The following FAM177A1 variants were observed in gnomAD, a reference collection of about 807,000 sequenced individuals.
FAM177A1 encodes the protein family with sequence similarity 177 member A1.
A neutral mutation model predicts 26.1 loss-of-function variants in FAM177A1; 22 were observed. That is an observed-to-expected ratio of 0.84 (90% CI 0.60 to 1.20). FAM177A1 has a LOEUF of 1.20. Ranked by LOEUF, FAM177A1 falls within the 50% of genes most tolerant of loss-of-function variation. FAM177A1 has a pLI of 0.00. For synonymous variants in FAM177A1, 95 were observed against 99.3 expected (o/e 0.96, Z 0.26); for missense variants, 296 against 291.1 (o/e 1.02, Z -0.12).
chr14:35,081,261 GTTT>G lies in FAM177A1; in HGVS notation c.*43_*45del. Reference sequence around the variant, plus strand: ...TGACTATCAAGCTTCAAACTCTTAAGTTTTTTTTTTTTAATACAAAAACTTTCA... The same window carrying G: ...TGACTATCAAGCTTCAAACTCTTAAGTTTTTTTTTAATACAAAAACTTTCA... On this transcript the variant is annotated 3_prime_UTR_variant, in exon 5 of 5. Transcript: ENST00000280987. The G allele has an allele frequency of 1.6e-6, 2 of 1,251,526 alleles. No individual in the cohort carries two copies. Among genetic ancestry groups the G allele is most frequent in the Non-Finnish European group, 1.1e-6 (1 of 939,866 alleles). The allele number at this position is 1,251,526 out of a possible 1,614,324, so 77.5% of individuals were successfully genotyped here.
Position 35,053,463 on chromosome 14 carries a change from A to G in FAM177A1, c.339+12A>G, listed in dbSNP as rs780976531. 2 of 1,612,858 alleles carry G rather than the reference A, an allele frequency of 1.2e-6. No homozygotes were observed. Among genetic ancestry groups the G allele is most frequent in the African/African-American group, 1.3e-5 (1 of 74,960 alleles). ...CTACTGTTGATCCGGTAGGTTTGATATTGATGATTCTTTCCTCAGTGGGCT... is the reference window on the plus strand; with the variant it reads ...CTACTGTTGATCCGGTAGGTTTGATGTTGATGATTCTTTCCTCAGTGGGCT... On this transcript the variant is annotated intron_variant, in intron 2 of 4. Coordinates refer to ENST00000280987, the MANE Select transcript of FAM177A1 (RefSeq NM_173607.5).
At chr14:35,069,261 G>A (rs2045282470) in intron 2 of FAM177A1, among the ~76,000 whole-genome samples, 1 of 150,454 alleles carries the variant, frequency 6.6e-6, no homozygotes, top group African/African-American at 2.4e-5. Context: ...CAATACAACA[G>A]CCAATGCTTA....
intron 2 of FAM177A1, among the ~76,000 whole-genome samples, chr14:35,070,987 C>G (rs2045312402): frequency 6.6e-6 from 1 of 150,786 alleles, no homozygotes; most frequent in Admixed American, 6.6e-5. Context: ...CCTCCATTTT[C>G]TTTCTTTCTT....
At chr14:35,063,464 G>A (rs2045190642) in intron 2 of FAM177A1, among the ~76,000 whole-genome samples, 1 of 151,786 alleles carries the variant, frequency 6.6e-6, no homozygotes, top group Non-Finnish European at 1.5e-5. Flanking sequence ...TGTAATCCCA[G>A]CCGCTTGGGA....
At chr14:35,050,944 T>C (rs1336245095) in intron 1 of FAM177A1, 1 of 152,156 alleles carries the variant, frequency 6.6e-6, no homozygotes, top group African/African-American at 2.4e-5. Flanking sequence ...AGAAGAAAAG[T>C]GTCCTGGGTT....
rs1167116513 is a variant in FAM177A1, at chr14:35,083,100, CTCACTCACAGATATTTATTTGGTTA to C, written c.*1876_*1900del. The stretch of plus-strand genomic sequence containing the variant: ...TTTAACTTCATTCGAGATAGTACCT[CTCACTCACAGATATTTATTTGGTTA>C]TCAAGTGAAGATAGGTGTGTCTAAA... On this transcript the variant is annotated 3_prime_UTR_variant, in exon 5 of 5. Transcript: ENST00000280987. 1 of 152,596 alleles carries C rather than the reference CTCACTCACAGATATTTATTTGGTTA, an allele frequency of 6.6e-6. No individual in the cohort carries two copies. Among genetic ancestry groups the C allele is most frequent in the Non-Finnish European group, 1.5e-5 (1 of 68,036 alleles). 9.5% of individuals were successfully genotyped at this position (152,596 alleles called of 1,614,324 possible). A position where few individuals can be genotyped will look rare whatever the true frequency, so the allele number is the denominator to read the frequency against.
chr14:35,053,231 A>G (rs1244275760), intron 1 of FAM177A1, 47 bp from the exon 2 acceptor site: 1 of 1,538,826 alleles, frequency 6.5e-7, no homozygotes. Flanking sequence ...AATGAAAGAA[A>G]ATTAATCTCA....
chr14:35,052,871 G>A (rs868612408), intron 1 of FAM177A1, among the ~76,000 whole-genome samples: 3 of 152,128 alleles, frequency 2.0e-5, no homozygotes, highest in Non-Finnish European at 4.4e-5. Context: ...GCAGTGAGCC[G>A]TGATTGCACT....
chr14:35,077,566 T>C (rs919123899), intron 3 of FAM177A1, among the ~76,000 whole-genome samples: 2 of 140,248 alleles, frequency 1.4e-5, no homozygotes, highest in Non-Finnish European at 3.0e-5. Context: ...CACTGCAAGC[T>C]CCGCTTCCCG....
At chr14:35,051,898 A>T in intron 1 of FAM177A1, among the ~76,000 whole-genome samples, 1 of 152,250 alleles carries the variant, frequency 6.6e-6, no homozygotes, top group East Asian at 1.9e-4. Flanking sequence ...TGTTTTTATC[A>T]GTATAATCCT....
intron 2 of FAM177A1, among the ~76,000 whole-genome samples, chr14:35,065,355 ATCTT>A (rs1414604376): frequency 5.9e-5 from 8 of 135,226 alleles, no homozygotes; most frequent in Non-Finnish European, 1.2e-4. Context: ...TTTCCATTGA[ATCTT>A]TTTTTTTTTT....
intron 4 of FAM177A1, 47 bp downstream of exon 4, chr14:35,079,071 G>C: frequency 7.0e-7 from 1 of 1,423,320 alleles, no homozygotes; most frequent in Non-Finnish European, 9.5e-7. Context: ...GTTTGCTATG[G>C]ACTTGATGGG....
intron 2 of FAM177A1, among the ~76,000 whole-genome samples, chr14:35,070,595 T>C (rs2045306909): frequency 6.6e-6 from 1 of 152,180 alleles, no homozygotes; most frequent in African/African-American, 2.4e-5. Context: ...CCCAAAGTGC[T>C]GGGATTACAG....
intron 1 of FAM177A1, among the ~76,000 whole-genome samples, chr14:35,048,272 C>T (rs1488557506): frequency 6.6e-6 from 1 of 152,052 alleles, no homozygotes; most frequent in East Asian, 1.9e-4. Context: ...AAATCACTAC[C>T]TCCGCCCTGG....
At chr14:35,047,662 T>C (rs2044891055) in intron 1 of FAM177A1, among the ~76,000 whole-genome samples, 1 of 152,052 alleles carries the variant, frequency 6.6e-6, no homozygotes, top group African/African-American at 2.4e-5. Flanking sequence ...GGCAGGAGAA[T>C]TGCTTGAACC....
intron 2 of FAM177A1, among the ~76,000 whole-genome samples, chr14:35,062,692 G>A (rs1453438669): frequency 6.6e-6 from 1 of 151,728 alleles, no homozygotes; most frequent in African/African-American, 2.4e-5. Context: ...GCTTTGGAGG[G>A]CTGAGGCAAG....
Position 35,077,235 on chromosome 14 carries a change from AAT to A in FAM177A1, c.406+22_406+23del. 6.2e-7 allele frequency: 1 copy of A among 1,606,748 alleles called. No homozygotes were observed. Among genetic ancestry groups the A allele is most frequent in the Non-Finnish European group, 8.5e-7 (1 of 1,173,462 alleles). ...CTCTCAGGTATTGCTTTTCTGCTTG[AAT>A]ATTGTATAATTGCTGTAACATGCTT... On this transcript the variant is annotated intron_variant, in intron 3 of 4. Coordinates refer to ENST00000280987, the MANE Select transcript of FAM177A1 (RefSeq NM_173607.5).
At chr14:35,079,118 C>A in intron 4 of FAM177A1, 94 bp downstream of exon 4, 1 of 803,652 alleles carries the variant, frequency 1.2e-6, no homozygotes, top group Non-Finnish European at 2.0e-6. Flanking sequence ...AACTGCCCAA[C>A]ATGTAGCTCT....
intron 2 of FAM177A1, among the ~76,000 whole-genome samples, chr14:35,056,032 A>T (rs940632502): frequency 1.3e-5 from 2 of 151,660 alleles, no homozygotes; most frequent in Non-Finnish European, 2.9e-5. Flanking sequence ...TGATTAGGTT[A>T]TTTATTTATT....
Sources: allele counts gnomAD v4.1 joint callset (sites outside exome capture counted in the v4.1 genomes callset), GRCh38; gene constraint gnomAD v4.1.1; transcripts MANE v1.5; gene names NCBI Gene and HGNC (gene_info 2026-07-23, HGNC 2026-07-21).